The following NOTCH2 variants were observed in gnomAD, a reference collection of about 807,000 sequenced individuals.
NOTCH2 encodes the protein neurogenic locus notch homolog protein 2.
In NOTCH2, 29 loss-of-function variants were observed where a neutral mutation model predicts 235.8. The observed-to-expected ratio is 0.12, with a 90% CI of 0.09 to 0.17. The LOEUF (loss-of-function observed/expected upper bound fraction) is 0.17. Ranked by LOEUF, NOTCH2 falls within the 10% of genes least tolerant of loss-of-function variation. The pLI, the probability that NOTCH2 is intolerant of heterozygous loss-of-function variation, is 1.00. For synonymous variants in NOTCH2, 1,086 were observed against 1,141.5 expected (o/e 0.95, Z 0.98); for missense variants, 2,285 against 3,150.2 (o/e 0.73, Z 6.57).
Position 119,915,976 on chromosome 1 carries a change from A to G in NOTCH2, c.6746T>C (p.Val2249Ala). The G allele has an allele frequency of 1.2e-6, 2 of 1,613,990 alleles. No homozygotes were observed. Among genetic ancestry groups the G allele is most frequent in the Non-Finnish European group, 8.5e-7 (1 of 1,180,032 alleles). Residue 2249 changes from valine (V) to alanine (A), a missense_variant, in exon 34 of 34, where the codon GTC becomes GCC. Around this residue, in one of 6 missense-constraint regions of NOTCH2, gnomAD observed 504 missense variants for 538.0 expected, o/e 0.94. Transcript: ENST00000256646. ...CATGCGGTTCATCCAATCTGCTGGG[A>G]CTGGGACTGGATGGAGCCTACTCAA... is the stretch of plus-strand genomic sequence containing the variant. Reference protein sequence around the residue: ...GSLSRLHPVPVPADWMNRMEV... With the variant: ...GSLSRLHPVPAPADWMNRMEV...
At chr1:119,961,044 G>C (rs1170829271) in intron 11 of NOTCH2, among the ~76,000 whole-genome samples, 3 of 152,110 alleles carry the variant, frequency 2.0e-5, no homozygotes, top group African/African-American at 4.8e-5. Flanking sequence ...TGCTTTGCCT[G>C]TCATGTAAGT....
At chr1:119,920,137 G>A (rs1173856148) in intron 30 of NOTCH2, 92 bp downstream of exon 30, 5 of 1,441,692 alleles carry the variant, frequency 3.5e-6, no homozygotes, top group Non-Finnish European at 4.8e-6. Flanking sequence ...TTGGGAAGGG[G>A]TTTATGACTG....
intron 1 of NOTCH2, among the ~76,000 whole-genome samples, chr1:120,066,278 T>C (rs1655503293): frequency 6.7e-6 from 1 of 148,546 alleles, no homozygotes; most frequent in Admixed American, 6.7e-5. Flanking sequence ...CACCTGAAGG[T>C]AAAAAAAAAT....
intron 30 of NOTCH2, 43 bp from the exon 31 acceptor site, chr1:119,919,656 G>A (rs2101150346): frequency 6.3e-7 from 1 of 1,587,556 alleles, no homozygotes; most frequent in Non-Finnish European, 8.6e-7. Context: ...AGAAGGAGAA[G>A]GTAGTTAACC....
rs1649029477 is a variant in NOTCH2 at position 119,915,442 on chromosome 1, C to G, written c.7280G>C (p.Ser2427Thr). The G allele has an allele frequency of 4.3e-6, 7 of 1,614,204 alleles. No homozygotes were observed. Among genetic ancestry groups the G allele is most frequent in the Non-Finnish European group, 5.9e-6 (7 of 1,180,034 alleles). Residue 2427 changes from serine to threonine, a missense_variant, in exon 34 of 34, where the codon AGT becomes ACT. Ser to Thr is a moderately conservative substitution (Grantham distance 58). Coordinates refer to ENST00000256646, the MANE Select transcript of NOTCH2 (RefSeq NM_024408.4). The part of the protein sequence containing the change: ...PSPESPDQWS[S>T]SSPHSASDWS... ...GTCAGAAGCAGAGTGGGGTGATGAACTTGACCACTGGTCAGGAGACTCTGG... is the reference window on the plus strand; with the variant it reads ...GTCAGAAGCAGAGTGGGGTGATGAAGTTGACCACTGGTCAGGAGACTCTGG...
rs1019199217 is a variant in NOTCH2 at position 119,925,200 on chromosome 1, A to C, written c.4511+105T>G. 3 of 1,424,906 alleles carry C rather than the reference A, an allele frequency of 2.1e-6. No individual in the cohort carries two copies. In the Admixed American group the frequency reaches 5.0e-5, roughly 24 times the overall value. 88.3% of individuals were successfully genotyped at this position (1,424,906 alleles called of 1,614,324 possible). A position where few individuals can be genotyped will look rare whatever the true frequency, so the allele number is the denominator to read the frequency against. ...ACAAGGCTGGCACCATCTGAAAAGCAGAGGCAGCTTAGGCTGAAGCACTGG... is the reference window on the plus strand; with the variant it reads ...ACAAGGCTGGCACCATCTGAAAAGCCGAGGCAGCTTAGGCTGAAGCACTGG... On this transcript the variant is annotated intron_variant, in intron 25 of 33. Transcript: ENST00000256646.
In NOTCH2 at chr1:119,914,385, AG is replaced by A. The variant is rs948132914; in HGVS notation, c.*920del. 5 of 233,034 alleles carry A rather than the reference AG, an allele frequency of 2.1e-5. No homozygotes were observed. Among genetic ancestry groups the A allele is most frequent in the Non-Finnish European group, 4.2e-5 (5 of 118,014 alleles). The allele number at this position is 233,034 out of a possible 1,614,324, so 14.4% of individuals were successfully genotyped here. ...TTTTTCTGGTTTTAAAAAAGTGGGG[AG>A]GGTCATAGTAACTAGACTATCAAGG... On this transcript the variant is annotated 3_prime_UTR_variant, in exon 34 of 34. Coordinates refer to ENST00000256646, the MANE Select transcript of NOTCH2 (RefSeq NM_024408.4).
intron 2 of NOTCH2, among the ~76,000 whole-genome samples, chr1:120,017,881 C>T (rs1653510044): frequency 1.3e-5 from 2 of 151,638 alleles, no homozygotes; most frequent in African/African-American, 2.4e-5. Context: ...AGACTGACTA[C>T]ATAAACCACC....
intron 3 of NOTCH2, among the ~76,000 whole-genome samples, chr1:119,997,819 C>CA (rs1218444603): frequency 2.1e-5 from 3 of 143,262 alleles, no homozygotes; most frequent in African/African-American, 8.4e-5. Flanking sequence ...ACTAAAAATA[C>CA]AAAAATTAGC....
At chr1:119,997,719 TA>T (rs1381778345) in intron 3 of NOTCH2, among the ~76,000 whole-genome samples, 1 of 151,646 alleles carries the variant, frequency 6.6e-6, no homozygotes, top group East Asian at 1.9e-4. Context: ...CTCACACCTG[TA>T]ATTCCAGCAC....
intron 24 of NOTCH2, 43 bp downstream of exon 24, chr1:119,926,456 G>A (rs1431058705): frequency 2.2e-6 from 3 of 1,368,714 alleles, no homozygotes; most frequent in Non-Finnish European, 3.1e-6. Context: ...AGATTGTATG[G>A]AAGAGACAAT....
At chr1:119,964,267 G>T (rs1377844596) in intron 10 of NOTCH2, among the ~76,000 whole-genome samples, 4 of 152,172 alleles carry the variant, frequency 2.6e-5, no homozygotes, top group Non-Finnish European at 2.9e-5. Context: ...AGAGTAGTAT[G>T]CATATATAGT....
chr1:120,043,584 A>G (rs1654669106), intron 1 of NOTCH2, among the ~76,000 whole-genome samples: 1 of 152,216 alleles, frequency 6.6e-6, no homozygotes, highest in African/African-American at 2.4e-5. Flanking sequence ...TCAGGTGGGT[A>G]ACCACCCACA....
intron 4 of NOTCH2, 46 bp from the exon 5 acceptor site, chr1:119,987,128 G>A (rs1461921730): frequency 3.7e-6 from 6 of 1,607,958 alleles, no homozygotes; most frequent in Non-Finnish European, 5.1e-6. Context: ...TCATACAGAA[G>A]AAACGACCTG....
intron 24 of NOTCH2, 68 bp from the exon 25 acceptor site, chr1:119,925,878 T>C (rs1649457018): frequency 6.3e-7 from 1 of 1,580,200 alleles, no homozygotes; most frequent in African/African-American, 1.3e-5. Flanking sequence ...AGTTTGAGGT[T>C]TCTAGAAAAC....
At chr1:120,008,883 T>G (rs2101253024) in intron 2 of NOTCH2, among the ~76,000 whole-genome samples, 1 of 152,210 alleles carries the variant, frequency 6.6e-6, no homozygotes, top group African/African-American at 2.4e-5. Context: ...ACAAAATTAC[T>G]AAGTAAAAGA....
chr1:119,941,424 A>C (rs1650058909), intron 18 of NOTCH2, 102 bp downstream of exon 18: 32 of 794,806 alleles, frequency 4.0e-5, no homozygotes, highest in South Asian at 3.8e-4. Context: ...CCATGTGGAC[A>C]CCTCATCCCT....
At chr1:119,940,471 G>T in intron 19 of NOTCH2, 84 bp downstream of exon 19, 7 of 1,254,244 alleles carry the variant, frequency 5.6e-6, no homozygotes, top group Non-Finnish European at 8.1e-6. Context: ...TCTTTTAGAA[G>T]GAACTTATTC....
At chr1:119,916,781 C>A in intron 33 of NOTCH2, 87 bp from the exon 34 acceptor site, 1 of 1,328,846 alleles carries the variant, frequency 7.5e-7, no homozygotes, top group Non-Finnish European at 1.1e-6. Flanking sequence ...TTATCACCCC[C>A]TTAGACATGT....
Sources: gnomAD v4.1 joint callset for allele counts (sites outside exome capture counted in the v4.1 genomes callset) on GRCh38, gnomAD v4.1.1 for gene constraint, gnomAD v4.1.1 regional missense constraint, MANE v1.5 for transcripts, NCBI Gene and HGNC (gene_info 2026-07-23, HGNC 2026-07-21) for gene names.